Variants in DTD1 observed in about 807,000 individuals in gnomAD.
DTD1 encodes the protein D-tyrosyl-tRNA deacylase 1 homolog.
Under a neutral mutation model 25.6 loss-of-function variants are expected in DTD1, and 13 were observed. The observed-to-expected ratio is 0.51, with a 90% CI of 0.33 to 0.81. The LOEUF is 0.81. DTD1 is among the 30% of genes least tolerant of loss of function. The pLI is 0.02. For synonymous variants in DTD1, 110 were observed against 103.6 expected (o/e 1.06, Z -0.37); for missense variants, 193 against 266.4 (o/e 0.72, Z 1.92).
At chr20:18,690,162 A>G (rs893269689) in intron 4 of DTD1, among the ~76,000 whole-genome samples, 5 of 148,754 alleles carry the variant, frequency 3.4e-5, no homozygotes, top group Non-Finnish European at 6.0e-5. Context: ...AAATTAAAAA[A>G]TAATTTTACC....
intron 2 of DTD1, among the ~76,000 whole-genome samples, chr20:18,594,558 C>A (rs1050841000): frequency 6.6e-6 from 1 of 152,178 alleles, no homozygotes; most frequent in Non-Finnish European, 1.5e-5. Flanking sequence ...TCCATTACCA[C>A]GGGGCACATT....
Position 18,763,482 on chromosome 20 carries a change from TA to T in DTD1, c.*143del, listed in dbSNP as rs2061370472. On this transcript the variant is annotated 3_prime_UTR_variant, in exon 6 of 6. Coordinates refer to ENST00000377452, the MANE Select transcript of DTD1 (RefSeq NM_080820.6). Reference sequence around the variant, plus strand: ...AGAAATAAGAATTTGGGAACCTGAATAGCTCTGCAAAAAACACCAAAGGACC... The same window carrying T: ...AGAAATAAGAATTTGGGAACCTGAATGCTCTGCAAAAAACACCAAAGGACC... The T allele has an allele frequency of 6.5e-6, 1 of 152,694 alleles. No individual in the cohort carries two copies. The highest frequency in any genetic ancestry group is 2.1e-4 in the South Asian group (1 of 4,834). 9.5% of individuals were successfully genotyped at this position (152,694 alleles called of 1,614,324 possible). A position where few individuals can be genotyped will look rare whatever the true frequency, so the allele number is the denominator to read the frequency against.
chr20:18,640,723 C>T (rs906762821), intron 4 of DTD1, among the ~76,000 whole-genome samples: 18 of 151,774 alleles, frequency 1.2e-4, no homozygotes, highest in African/African-American at 3.6e-4. Context: ...CTCCATCTCC[C>T]AGATTCAAGC....
intron 4 of DTD1, among the ~76,000 whole-genome samples, chr20:18,665,978 C>T (rs2060930097): frequency 6.6e-6 from 1 of 152,168 alleles, no homozygotes; most frequent in African/African-American, 2.4e-5. Flanking sequence ...ACATTGGGTA[C>T]ATTACTATTA....
intron 4 of DTD1, among the ~76,000 whole-genome samples, chr20:18,713,961 C>T (rs2061169893): frequency 6.6e-6 from 1 of 152,200 alleles, no homozygotes; most frequent in Non-Finnish European, 1.5e-5. Flanking sequence ...CATCCAGAGC[C>T]TGGTCTGACC....
chr20:18,692,406 CA>C (rs902975064), intron 4 of DTD1, among the ~76,000 whole-genome samples: 7 of 152,154 alleles, frequency 4.6e-5, no homozygotes, highest in South Asian at 2.1e-4. Flanking sequence ...GGCTATTTGC[CA>C]GGGGGAATGC....
At chr20:18,638,242 C>T (rs1413961407) in intron 4 of DTD1, among the ~76,000 whole-genome samples, 1 of 152,004 alleles carries the variant, frequency 6.6e-6, no homozygotes, top group Non-Finnish European at 1.5e-5. Context: ...TGTCCACTAC[C>T]TACTCATCCA....
chr20:18,727,363 G>A (rs1401091827), intron 4 of DTD1, among the ~76,000 whole-genome samples: 1 of 152,158 alleles, frequency 6.6e-6, no homozygotes, highest in Admixed American at 6.5e-5. Context: ...GTAGGGCTGA[G>A]GAGGGTTTAG....
chr20:18,719,794 G>C (rs1453230254), intron 4 of DTD1, among the ~76,000 whole-genome samples: 1 of 152,180 alleles, frequency 6.6e-6, no homozygotes, highest in Non-Finnish European at 1.5e-5. Context: ...TAATTCTGTG[G>C]CAAGGCATTT....
At chr20:18,740,708 T>G (rs2061274486) in intron 4 of DTD1, among the ~76,000 whole-genome samples, 1 of 152,214 alleles carries the variant, frequency 6.6e-6, no homozygotes, top group Non-Finnish European at 1.5e-5. Context: ...ACTTACCATC[T>G]TAACCATTTT....
At chr20:18,730,032 G>T (rs909802309) in intron 4 of DTD1, among the ~76,000 whole-genome samples, 56 of 152,146 alleles carry the variant, frequency 3.7e-4, no homozygotes, top group African/African-American at 1.3e-3. Flanking sequence ...CTGCTCCACT[G>T]CCAAACAGTC....
At chr20:18,738,308 C>G (rs116857544) in intron 4 of DTD1, among the ~76,000 whole-genome samples, 1 of 152,166 alleles carries the variant, frequency 6.6e-6, no homozygotes, top group Admixed American at 6.5e-5. Context: ...CCTTGCTGGG[C>G]GTTGCTGTCT....
intron 3 of DTD1, among the ~76,000 whole-genome samples, chr20:18,622,053 G>A (rs376404544): frequency 1.5e-5 from 2 of 137,822 alleles, no homozygotes; most frequent in African/African-American, 5.1e-5. Context: ...GACAGAGCGA[G>A]ACTCTGTCTC....
intron 4 of DTD1, among the ~76,000 whole-genome samples, chr20:18,732,992 T>A (rs2061243837): frequency 6.6e-6 from 1 of 152,030 alleles, no homozygotes. Context: ...TTTCAAAGCA[T>A]TTAAAATGCT....
At chr20:18,708,207 T>TAAATATATATTATATATATA (rs1371286340) in intron 4 of DTD1, among the ~76,000 whole-genome samples, 189 of 6,840 alleles carry the variant, frequency 0.028, 12 homozygotes, top group African/African-American at 0.043. Flanking sequence ...ATATATATAT[T>TAAATATATATTATATATATA]TTATATATAT....
intron 4 of DTD1, among the ~76,000 whole-genome samples, chr20:18,708,466 G>A (rs775527007): frequency 9.0e-5 from 13 of 144,682 alleles, no homozygotes; most frequent in East Asian, 8.2e-4. Context: ...AGCGATTCTC[G>A]TGCCTCAGCC....
In DTD1 at chr20:18,730,473, AT is replaced by A. The variant is rs1423162728; in HGVS notation, c.478-13625del. On this transcript the variant is annotated intron_variant, in intron 4 of 5. Coordinates refer to ENST00000377452, the MANE Select transcript of DTD1 (RefSeq NM_080820.6). Reference sequence around the variant, plus strand: ...ACCCTTGCAAAGGCTGAGTATTGTAATTGTTTAGTCCTTATCAGTTTCATGA... The same window carrying A: ...ACCCTTGCAAAGGCTGAGTATTGTAATGTTTAGTCCTTATCAGTTTCATGA... Among the ~76,000 whole-genome samples, 17 of 152,284 alleles carry A rather than the reference AT, an allele frequency of 1.1e-4. No homozygotes were observed. The East Asian group carries it at 3.3e-3, about 29-fold the overall frequency.
chr20:18,693,209 GC>G (rs995647252), intron 4 of DTD1, among the ~76,000 whole-genome samples: 5 of 152,120 alleles, frequency 3.3e-5, no homozygotes, highest in Non-Finnish European at 7.3e-5. Flanking sequence ...ATTATCCTTT[GC>G]TTTTCTTTTT....
At chr20:18,694,613 A>G (rs1280390961) in intron 4 of DTD1, among the ~76,000 whole-genome samples, 1 of 152,198 alleles carries the variant, frequency 6.6e-6, no homozygotes, top group Non-Finnish European at 1.5e-5. Flanking sequence ...GGAGGCCTTT[A>G]CTGGGAAAGG....
Sources: allele counts gnomAD v4.1 joint callset (sites outside exome capture counted in the v4.1 genomes callset), GRCh38; gene constraint gnomAD v4.1.1; transcripts MANE v1.5; gene names NCBI Gene and HGNC (gene_info 2026-07-23, HGNC 2026-07-21).